DAB1: variants seen among roughly 807,000 people sequenced by gnomAD.
DAB1 encodes the protein DAB adaptor protein 1.
In DAB1, 15 loss-of-function variants were observed where a neutral mutation model predicts 64.6. The ratio of observed to expected loss-of-function variants is 0.23; its 90% CI spans 0.16 to 0.36. The LOEUF (loss-of-function observed/expected upper bound fraction) is 0.36. Ranked by LOEUF, DAB1 falls within the 10% of genes least tolerant of loss-of-function variation. DAB1 has a pLI of 1.00. For synonymous variants in DAB1, 235 were observed against 251.9 expected, an observed-to-expected ratio of 0.93 and a Z score of 0.64; for missense variants, 596 against 706.7, an observed-to-expected ratio of 0.84 and a Z score of 1.78.
chr1:57,227,007 A>G (rs1197402084), intron 2 of DAB1, among the ~76,000 whole-genome samples: 4 of 142,034 alleles, frequency 2.8e-5, no homozygotes, highest in Admixed American at 2.7e-4. Context: ...GTGAGACACC[A>G]TCTCTCAAAA....
chr1:58,299,505 G>C (rs1214110866), intron 4 of DAB1, among the ~76,000 whole-genome samples: 1 of 152,148 alleles, frequency 6.6e-6, no homozygotes, highest in Non-Finnish European at 1.5e-5. Flanking sequence ...GTGCAGAGGT[G>C]CATGTATGCA....
chr1:57,053,689 T>TATATATATATATATA (rs68039540), intron 9 of DAB1, among the ~76,000 whole-genome samples: 1 of 33,296 alleles, frequency 3.0e-5, no homozygotes, highest in South Asian at 9.5e-4. Flanking sequence ...TATATATATA[T>TATATATATATATATA]TTTTTTTTTT....
intron 1 of DAB1, among the ~76,000 whole-genome samples, chr1:57,291,914 C>T (rs1672808605): frequency 6.6e-6 from 1 of 152,148 alleles, no homozygotes; most frequent in South Asian, 2.1e-4. Flanking sequence ...TTACTATATA[C>T]CATGCCCTTA....
chr1:58,413,849 G>A (rs1461225432), intron 3 of DAB1, among the ~76,000 whole-genome samples: 1 of 152,122 alleles, frequency 6.6e-6, no homozygotes, highest in East Asian at 1.9e-4. Context: ...AGAGTCATGT[G>A]TCTCTCGACA....
chr1:57,925,228 G>A (rs1644862650), intron 5 of DAB1, among the ~76,000 whole-genome samples: 2 of 152,160 alleles, frequency 1.3e-5, no homozygotes, highest in Admixed American at 1.3e-4. Context: ...GAGTTTCACT[G>A]TCACTCTCTA....
intron 9 of DAB1, among the ~76,000 whole-genome samples, chr1:57,053,196 C>T (rs565400504): frequency 5.3e-5 from 8 of 152,216 alleles, no homozygotes; most frequent in East Asian, 1.9e-4. Context: ...AGAATCTTGG[C>T]GGGGGGTCTG....
chr1:58,173,526 G>C (rs1570446282), intron 4 of DAB1, among the ~76,000 whole-genome samples: 1 of 152,036 alleles, frequency 6.6e-6, no homozygotes, highest in Non-Finnish European at 1.5e-5. Context: ...TCACTCTCTT[G>C]AATGGTTCCT....
At chr1:57,016,497 G>A (rs997850895) in intron 11 of DAB1, among the ~76,000 whole-genome samples, 1 of 151,796 alleles carries the variant, frequency 6.6e-6, no homozygotes, top group Non-Finnish European at 1.5e-5. Context: ...AGGCTGAGGC[G>A]GGAGGATCAC....
Position 57,139,643 on chromosome 1 carries a change from T to C in DAB1, c.208-3002A>G, listed in dbSNP as rs149867037. 3.2e-3 allele frequency among the ~76,000 whole-genome samples: 482 copies of C among 152,096 alleles called. 3 individuals carry two copies. Among genetic ancestry groups the C allele is most frequent in the African/African-American group, 0.011 (461 of 41,514 alleles). ...CTACACCTTTGGTCAGGGAGAGAAG[T>C]TTCAGTGTCTCCATTTCCAAAACAG... On this transcript the variant is annotated intron_variant, in intron 3 of 14. Coordinates refer to ENST00000371236, the MANE Select transcript of DAB1 (RefSeq NM_001365792.1).
At chr1:58,354,492 C>T (rs774655768) in intron 3 of DAB1, among the ~76,000 whole-genome samples, 1 of 152,138 alleles carries the variant, frequency 6.6e-6, no homozygotes, top group Non-Finnish European at 1.5e-5. Flanking sequence ...ATTGACCTTA[C>T]ATATTATCCA....
chr1:57,006,400 G>T (rs1646068086), intron 14 of DAB1, among the ~76,000 whole-genome samples: 1 of 152,176 alleles, frequency 6.6e-6, no homozygotes, highest in African/African-American at 2.4e-5. Flanking sequence ...GCACCATGTA[G>T]ATCCCCATGC....
chr1:58,417,466 G>A (rs977535856), intron 3 of DAB1, among the ~76,000 whole-genome samples: 5 of 152,160 alleles, frequency 3.3e-5, no homozygotes, highest in South Asian at 2.1e-4. Flanking sequence ...CTGGCCCCAC[G>A]GCCGGGAGTG....
At chr1:57,944,203 C>T (rs993856969) in intron 5 of DAB1, among the ~76,000 whole-genome samples, 2 of 152,130 alleles carry the variant, frequency 1.3e-5, no homozygotes, top group African/African-American at 4.8e-5. Context: ...CATCTTTCTT[C>T]AAACCAAGAC....
At chr1:58,541,900 T>C (rs1201833658) in intron 1 of DAB1, among the ~76,000 whole-genome samples, 3 of 152,190 alleles carry the variant, frequency 2.0e-5, no homozygotes, top group African/African-American at 4.8e-5. Flanking sequence ...GATAGTTACA[T>C]ATGTGTTCCT....
intron 1 of DAB1, among the ~76,000 whole-genome samples, chr1:57,400,306 G>A (rs1482380747): frequency 6.6e-6 from 1 of 152,052 alleles, no homozygotes; most frequent in African/African-American, 2.4e-5. Flanking sequence ...AAACCAAAAG[G>A]TTCAGTCTAT....
intron 4 of DAB1, among the ~76,000 whole-genome samples, chr1:58,326,677 T>C (rs1662832029): frequency 6.6e-6 from 1 of 152,168 alleles, no homozygotes; most frequent in African/African-American, 2.4e-5. Context: ...GCCCAGAAAC[T>C]TGAGGTAATG....
At chr1:57,266,129 T>C (rs1670574725) in intron 2 of DAB1, among the ~76,000 whole-genome samples, 1 of 152,154 alleles carries the variant, frequency 6.6e-6, no homozygotes. Flanking sequence ...AGAACCGCAC[T>C]GAGGGATACC....
intron 1 of DAB1, among the ~76,000 whole-genome samples, chr1:58,539,633 G>A (rs1646572976): frequency 6.6e-6 from 1 of 152,186 alleles, no homozygotes; most frequent in Non-Finnish European, 1.5e-5. Context: ...AAAAACAACA[G>A]TAAAACTTTA....
Position 57,662,265 on chromosome 1 carries a change from G to A in DAB1, n.552-12600C>T, listed in dbSNP as rs572934558. ...GGCTGGCGTGCAATGGCGCGATCTC[G>A]GCTCACCGCAACCTCCACCTCCCGG... On this transcript the variant is annotated intron_variant and non_coding_transcript_variant, in intron 6 of 20. Transcript: ENST00000485760. Among the ~76,000 whole-genome samples the A allele has an allele frequency of 1.8e-4, 28 of 152,172 alleles. No individual in the cohort carries two copies. In the South Asian group the frequency reaches 5.4e-3, roughly 29 times the overall value.
Sources: allele counts gnomAD v4.1 joint callset (sites outside exome capture counted in the v4.1 genomes callset), GRCh38; gene constraint gnomAD v4.1.1; transcripts MANE v1.5; gene names NCBI Gene and HGNC (gene_info 2026-07-23, HGNC 2026-07-21).